TXLNB: variants seen among roughly 807,000 people sequenced by gnomAD.
TXLNB encodes taxilin beta.
In TXLNB, 37 loss-of-function variants were observed where a neutral mutation model predicts 57.4. That is an observed-to-expected ratio of 0.64 (90% CI 0.50 to 0.85). The LOEUF (loss-of-function observed/expected upper bound fraction) is 0.85, where lower values mean the gene tolerates loss of function less well. Ranked by LOEUF, TXLNB falls within the 40% of genes least tolerant of loss-of-function variation. The pLI, the probability that TXLNB is intolerant of heterozygous loss-of-function variation, is 0.00. For synonymous variants in TXLNB, 302 were observed against 309.6 expected (o/e 0.98, Z 0.26); for missense variants, 848 against 825.6 (o/e 1.03, Z -0.33).
chr6:139,265,347 T>A (rs781728562), intron 4 of TXLNB, among the ~76,000 whole-genome samples: 2 of 152,246 alleles, frequency 1.3e-5, no homozygotes, highest in Non-Finnish European at 2.9e-5. Context: ...TTTGAATATA[T>A]GTATGATTTT....
At chr6:139,295,144 G>A (rs535312912), upstream of TXLNB, among the ~76,000 whole-genome samples, 2 of 152,290 alleles carry the variant, frequency 1.3e-5, no homozygotes, top group African/African-American at 4.8e-5. Context: ...ACATGATAGT[G>A]GAGGTATCAA....
chr6:139,318,816 T>C, the TXLNB span, among the ~76,000 whole-genome samples: 1 of 152,182 alleles, frequency 6.6e-6, no homozygotes, highest in African/African-American at 2.4e-5. Flanking sequence ...GATGTAGCAA[T>C]CTCTATAAAT....
chr6:139,246,758 T>C (rs1776075396), intron 8 of TXLNB, among the ~76,000 whole-genome samples: 1 of 151,706 alleles, frequency 6.6e-6, no homozygotes, highest in South Asian at 2.1e-4. Context: ...TTACTAAAAA[T>C]ATAAAATTAA....
At chr6:139,237,127 T>C (rs1423498191), downstream of TXLNB, among the ~76,000 whole-genome samples, 1 of 152,208 alleles carries the variant, frequency 6.6e-6, no homozygotes, top group East Asian at 1.9e-4. Context: ...GGTTTTATCT[T>C]ATATGTCATA....
chr6:139,160,694 G>A, the TXLNB span, among the ~76,000 whole-genome samples: 1 of 152,170 alleles, frequency 6.6e-6, no homozygotes, highest in Non-Finnish European at 1.5e-5. Flanking sequence ...AATTACAGGC[G>A]TGAGCCACTG....
At chr6:139,171,332 G>T in the TXLNB span, among the ~76,000 whole-genome samples, 13 of 152,198 alleles carry the variant, frequency 8.5e-5, no homozygotes, top group African/African-American at 2.9e-4. Flanking sequence ...CTGAGTACTT[G>T]TGTGTGCGTA....
the TXLNB span, among the ~76,000 whole-genome samples, chr6:139,207,671 C>T: frequency 2.0e-5 from 3 of 152,078 alleles, no homozygotes. Flanking sequence ...AAAAGAACTA[C>T]AAACAATAAA....
intron 8 of TXLNB, among the ~76,000 whole-genome samples, chr6:139,246,961 G>GT (rs1776080985): frequency 6.6e-6 from 1 of 151,662 alleles, no homozygotes; most frequent in African/African-American, 2.4e-5. Flanking sequence ...GAATTGATGA[G>GT]TAAGACCACT....
chr6:139,315,811 A>T, the TXLNB span, among the ~76,000 whole-genome samples: 1 of 152,228 alleles, frequency 6.6e-6, no homozygotes, highest in Non-Finnish European at 1.5e-5. Flanking sequence ...CTTTTTAAAA[A>T]ATCACAATTA....
chr6:139,212,478 G>A, the TXLNB span, among the ~76,000 whole-genome samples: 13 of 152,302 alleles, frequency 8.5e-5, no homozygotes, highest in Non-Finnish European at 1.5e-4. Flanking sequence ...CCTGAAGGAA[G>A]CACTAAACAT....
At chr6:139,215,752 T>A in the TXLNB span, among the ~76,000 whole-genome samples, 1 of 152,146 alleles carries the variant, frequency 6.6e-6, no homozygotes, top group African/African-American at 2.4e-5. Context: ...ATATCCAGAA[T>A]CTATAATGAA....
At chr6:139,235,109 G>A (rs564625058), downstream of TXLNB, among the ~76,000 whole-genome samples, 1 of 152,324 alleles carries the variant, frequency 6.6e-6, no homozygotes, top group East Asian at 1.9e-4. Flanking sequence ...TGGAATAGGT[G>A]TATTCCCTCC....
chr6:139,182,206 CTT>C, the TXLNB span, among the ~76,000 whole-genome samples: 1 of 152,188 alleles, frequency 6.6e-6, no homozygotes, highest in African/African-American at 2.4e-5. Context: ...TAAAGAAAGT[CTT>C]GAGTCTGCCA....
the TXLNB span, among the ~76,000 whole-genome samples, chr6:139,191,146 G>A: frequency 1.3e-5 from 2 of 151,758 alleles, no homozygotes; most frequent in Admixed American, 6.6e-5. Flanking sequence ...CTGGCCAGGC[G>A]CGGTGGCTTA....
the TXLNB span, among the ~76,000 whole-genome samples, chr6:139,205,852 C>T: frequency 0.035 from 5,294 of 152,142 alleles, 243 homozygotes; most frequent in African/African-American, 0.11. Flanking sequence ...CACCAGAAGA[C>T]CATCACCAAG....
chr6:139,163,810 C>T, the TXLNB span, among the ~76,000 whole-genome samples: 1 of 152,294 alleles, frequency 6.6e-6, no homozygotes, highest in Admixed American at 6.5e-5. Flanking sequence ...GCCCACTCCT[C>T]CCGTTTTTCT....
rs1177168524 is a variant in TXLNB at position 139,260,390 on chromosome 6, C to T, written c.930G>A (p.Val310=). Residue 310 remains valine (V), a synonymous_variant, in exon 6 of 10, where the codon GTG becomes GTA. Coordinates refer to ENST00000358430, the MANE Select transcript of TXLNB (RefSeq NM_153235.4). ...CTTGGGCCTGCTCAAGCTTTGCATC[C>T]ACCAGCTTCTGCTGCAGTTCTCTGT... ...FKHRELQQKL[V]DAKLEQAQEM... The T allele has an allele frequency of 6.2e-7, 1 of 1,614,144 alleles. No homozygotes were observed. Among genetic ancestry groups the T allele is most frequent in the African/African-American group, 1.3e-5 (1 of 75,038 alleles).
intron 8 of TXLNB, 78 bp from the exon 9 acceptor site, chr6:139,244,768 C>T: frequency 2.2e-6 from 2 of 901,976 alleles, no homozygotes; most frequent in Non-Finnish European, 3.6e-6. Flanking sequence ...ATATGTGAGA[C>T]CAGGAGAAGC....
intron 4 of TXLNB, among the ~76,000 whole-genome samples, chr6:139,264,788 G>T (rs573345710): frequency 1.3e-5 from 2 of 152,194 alleles, no homozygotes; most frequent in South Asian, 4.1e-4. Flanking sequence ...TCAAACTCCA[G>T]ACCTCAGATG....
Sources: allele counts gnomAD v4.1 joint callset (sites outside exome capture counted in the v4.1 genomes callset), GRCh38; gene constraint gnomAD v4.1.1; transcripts MANE v1.5; gene names NCBI Gene and HGNC (gene_info 2026-07-23, HGNC 2026-07-21).